CHN1: variants seen among roughly 807,000 people sequenced by gnomAD.
CHN1 encodes the protein chimerin 1.
Under a neutral mutation model 59.5 loss-of-function variants are expected in CHN1, and 37 were observed. That is an observed-to-expected ratio of 0.62 (90% confidence interval 0.48 to 0.82). CHN1 has a LOEUF of 0.82. Ranked by LOEUF, CHN1 falls within the 40% of genes least tolerant of loss-of-function variation. CHN1 has a pLI of 0.00. For missense variants in CHN1, 469 were observed against 571.0 expected (o/e 0.82, Z 1.82); for synonymous variants, 206 against 200.4 (o/e 1.03, Z -0.24).
intron 1 of CHN1, among the ~76,000 whole-genome samples, chr2:174,956,707 G>C (rs984241139): frequency 6.6e-6 from 1 of 151,052 alleles, no homozygotes; most frequent in African/African-American, 2.4e-5. Flanking sequence ...AGTGGGCAGA[G>C]GCTGCAGTGA....
chr2:174,811,825 G>A (rs1685084323), intron 9 of CHN1, among the ~76,000 whole-genome samples: 1 of 152,158 alleles, frequency 6.6e-6, no homozygotes, highest in Admixed American at 6.5e-5. Context: ...AATATGTTAA[G>A]TCTTAAGGGA....
chr2:174,842,452 C>G (rs1686345625), intron 7 of CHN1, among the ~76,000 whole-genome samples: 1 of 152,124 alleles, frequency 6.6e-6, no homozygotes, highest in South Asian at 2.1e-4. Flanking sequence ...TGTAATAAAT[C>G]TAATGGTTCA....
At chr2:174,986,784 T>G (rs1691358835) in intron 1 of CHN1, among the ~76,000 whole-genome samples, 1 of 152,276 alleles carries the variant, frequency 6.6e-6, no homozygotes, top group Non-Finnish European at 1.5e-5. Flanking sequence ...TTGCCCAGGC[T>G]GGAGTGCAAT....
chr2:174,830,498 T>C (rs1685841877), intron 7 of CHN1, among the ~76,000 whole-genome samples: 1 of 152,162 alleles, frequency 6.6e-6, no homozygotes, highest in African/African-American at 2.4e-5. Flanking sequence ...TAATAATGTA[T>C]TAACAAAGAG....
At chr2:174,872,155 C>T (rs1687429748) in intron 6 of CHN1, among the ~76,000 whole-genome samples, 1 of 152,074 alleles carries the variant, frequency 6.6e-6, no homozygotes, top group Non-Finnish European at 1.5e-5. Context: ...TGGTAATGCA[C>T]AGCTTGTAGT....
At chr2:174,831,346 G>A (rs1172021317) in intron 7 of CHN1, among the ~76,000 whole-genome samples, 1 of 152,080 alleles carries the variant, frequency 6.6e-6, no homozygotes, top group Non-Finnish European at 1.5e-5. Context: ...ATTACAAAAT[G>A]AATGCAAAGG....
intron 6 of CHN1, among the ~76,000 whole-genome samples, chr2:174,874,668 A>C (rs1687507704): frequency 6.6e-6 from 1 of 152,076 alleles, no homozygotes; most frequent in Non-Finnish European, 1.5e-5. Flanking sequence ...TTTTAAAACA[A>C]AGAAAGACCT....
intron 5 of CHN1, among the ~76,000 whole-genome samples, chr2:174,914,584 C>T (rs1399880017): frequency 1.3e-5 from 2 of 152,108 alleles, no homozygotes; most frequent in Non-Finnish European, 2.9e-5. Context: ...TGGTGGTTCA[C>T]GCCTATAATC....
chr2:174,946,390 A>G (rs1194282397), intron 2 of CHN1, among the ~76,000 whole-genome samples: 1 of 152,166 alleles, frequency 6.6e-6, no homozygotes, highest in Non-Finnish European at 1.5e-5. Context: ...AAAGGAACTG[A>G]GAAAATACAG....
chr2:175,005,214 C>T lies in CHN1; in HGVS notation c.-302G>A. The T allele has an allele frequency of 1.6e-6, 2 of 1,213,610 alleles. No individual in the cohort carries two copies. The highest frequency in any genetic ancestry group is 2.1e-6 in the Non-Finnish European group (2 of 972,830). 75.2% of individuals were successfully genotyped at this position (1,213,610 alleles called of 1,614,324 possible). On this transcript the variant is annotated 5_prime_UTR_variant, in exon 1 of 13. Coordinates refer to ENST00000409900, the MANE Select transcript of CHN1 (RefSeq NM_001822.7). ...CGCGCGGGAGGAGGTACCTGCGAGG[C>T]AGGAGGCTTGGCCGCGGCGCAGTGG...
chr2:174,898,479 C>T (rs1688286640), intron 5 of CHN1, among the ~76,000 whole-genome samples: 1 of 151,868 alleles, frequency 6.6e-6, no homozygotes. Flanking sequence ...TGGCGCACAC[C>T]TGTAGTCCCA....
At chr2:174,939,656 A>G (rs1307199832) in intron 3 of CHN1, among the ~76,000 whole-genome samples, 1 of 152,230 alleles carries the variant, frequency 6.6e-6, no homozygotes, top group Non-Finnish European at 1.5e-5. Context: ...AAAAAATTAA[A>G]AAGTATGTGT....
Position 174,878,076 on chromosome 2 carries a change from C to A in CHN1, c.313G>T (p.Val105Phe). 3 of 1,611,574 alleles carry A rather than the reference C, an allele frequency of 1.9e-6. No homozygotes were observed. The change falls in exon 6 of 13, where the codon GTT becomes TTT. Residue 105 changes from valine to phenylalanine, a missense_variant. Val to Phe is a conservative substitution (Grantham distance 50, BLOSUM62 -1). This residue lies in a region of CHN1 where 152 missense variants were observed against 166.1 expected (regional missense o/e 0.92). Transcript: ENST00000409900. Reference protein sequence around the residue: ...FRLYYDGKHFVGEKRFESIHD... With the variant: ...FRLYYDGKHFFGEKRFESIHD... The stretch of plus-strand genomic sequence containing the variant: ...ATGGACTCAAAGCGTTTCTCCCCAA[C>A]AAAGTGCTTGCCATCGTAGTAGAGC...
intron 6 of CHN1, among the ~76,000 whole-genome samples, chr2:174,856,169 T>A (rs1396105228): frequency 6.6e-6 from 1 of 152,162 alleles, no homozygotes; most frequent in East Asian, 1.9e-4. Context: ...GAGACTTCTG[T>A]ATCAGAACTC....
At chr2:174,851,442 G>C (rs1348518729) in intron 6 of CHN1, among the ~76,000 whole-genome samples, 2 of 152,136 alleles carry the variant, frequency 1.3e-5, no homozygotes, top group African/African-American at 4.8e-5. Context: ...ACTACACCCA[G>C]ATAATTCTTG....
Position 174,801,802 on chromosome 2 carries a change from A to G in CHN1, c.1113T>C (p.Asp371=). 4 of 1,612,374 alleles carry G rather than the reference A, an allele frequency of 2.5e-6. No individual in the cohort carries two copies. The South Asian group carries it at 4.4e-5, about 18-fold the overall frequency. The change falls in exon 12 of 13, where the codon GAT becomes GAC. Residue 371 remains aspartate, a synonymous_variant. Transcript: ENST00000409900. ...PKFIESAKIM[D]PDEQLETLHE... ...GAAGGGTTTCCAATTGCTCATCCGG[A>G]TCCATAATTTCTAAAATAGCAAGTC...
intron 11 of CHN1, among the ~76,000 whole-genome samples, chr2:174,802,732 A>AT (rs1296602991): frequency 2.0e-5 from 3 of 152,170 alleles, no homozygotes; most frequent in African/African-American, 7.2e-5. Flanking sequence ...AGGTCAAAAG[A>AT]TGGGGTGCTT....
At chr2:174,935,603 T>C (rs570209946) in intron 3 of CHN1, among the ~76,000 whole-genome samples, 95 of 152,232 alleles carry the variant, frequency 6.2e-4, no homozygotes, top group Non-Finnish European at 6.8e-4. Flanking sequence ...TTCCTACTTC[T>C]ATAAGTAGGT....
intron 1 of CHN1, among the ~76,000 whole-genome samples, chr2:174,995,926 CA>C (rs1356394978): frequency 6.6e-6 from 1 of 152,136 alleles, no homozygotes; most frequent in Admixed American, 6.6e-5. Flanking sequence ...ACAAGAGTAG[CA>C]ATGCTGGCAT....
Sources: allele counts gnomAD v4.1 joint callset (sites outside exome capture counted in the v4.1 genomes callset), GRCh38; gene constraint gnomAD v4.1.1; regional missense constraint gnomAD v4.1.1; transcripts MANE v1.5; gene names NCBI Gene and HGNC (gene_info 2026-07-23, HGNC 2026-07-21).